Variants in HIVEP3 observed in about 807,000 individuals in gnomAD.
HIVEP3 encodes transcription factor HIVEP3.
HIVEP3 carries 49 observed loss-of-function variants against 152.8 expected under a neutral mutation model. The ratio of observed to expected loss-of-function variants is 0.32; its 90% CI spans 0.26 to 0.41. The LOEUF (loss-of-function observed/expected upper bound fraction) is 0.41. HIVEP3 is among the 10% of genes least tolerant of loss of function. The probability of loss-of-function intolerance (pLI) is 1.00; values close to 1 mark genes in which losing one functional copy is unlikely to be tolerated. For missense variants in HIVEP3, 2,790 were observed against 3,103.3 expected, an observed-to-expected ratio of 0.90 and a Z score of 2.40; for synonymous variants, 1,269 against 1,289.0, an observed-to-expected ratio of 0.98 and a Z score of 0.33.
chr1:41,581,128 G>A lies in HIVEP3; in HGVS notation c.3670C>T (p.Leu1224Phe). The stretch of plus-strand genomic sequence containing the variant: ...GAGGAGGTCGGGTATGGCATGGGGA[G>A]GAAGGAAGGGGGCTGCCTGAAGGGG... ...NIPFRQPPSF[L>F]PMPYPTSSAL... is the part of the protein sequence containing the mutation. Residue 1224 changes from leucine (L) to phenylalanine (F), a missense_variant, in exon 4 of 9, where the codon CTC becomes TTC. Physicochemically the swap from Leu to Phe is conservative, Grantham distance 22 (BLOSUM62 0). Transcript: ENST00000372583. This position sits in a 1 kb window ranked among gnomAD's most constrained non-coding sequence, Gnocchi z 4.5. The A allele has an allele frequency of 6.4e-7, 1 of 1,551,678 alleles. No homozygotes were observed. The highest frequency in any genetic ancestry group is 8.7e-7 in the Non-Finnish European group (1 of 1,149,166).
At chr1:41,536,075 G>A (rs1404109880) in intron 5 of HIVEP3, among the ~76,000 whole-genome samples, 1 of 152,166 alleles carries the variant, frequency 6.6e-6, no homozygotes, top group Non-Finnish European at 1.5e-5. Context: ...TGCTCAAGAT[G>A]TCAAAGAGGG....
At chr1:42,009,630 A>G (rs1408638027) in intron 1 of HIVEP3, among the ~76,000 whole-genome samples, 1 of 152,120 alleles carries the variant, frequency 6.6e-6, no homozygotes, top group Non-Finnish European at 1.5e-5. Flanking sequence ...CCAGTGTGTA[A>G]CTTCATTCCC....
chr1:41,776,203 G>A (rs1477600612), intron 1 of HIVEP3, among the ~76,000 whole-genome samples: 1 of 152,230 alleles, frequency 6.6e-6, no homozygotes, highest in African/African-American at 2.4e-5. Flanking sequence ...GTGGACCCTA[G>A]AGTTTACAAA....
intron 1 of HIVEP3, among the ~76,000 whole-genome samples, chr1:41,788,057 G>C (rs1342860846): frequency 6.6e-6 from 1 of 152,158 alleles, no homozygotes; most frequent in Non-Finnish European, 1.5e-5. Context: ...CAGGTGACCC[G>C]GTGCCACCCT....
intron 1 of HIVEP3, among the ~76,000 whole-genome samples, chr1:41,770,880 C>T (rs1648310342): frequency 6.6e-6 from 1 of 152,058 alleles, no homozygotes; most frequent in East Asian, 1.9e-4. Context: ...ACCACAGTAG[C>T]TTTGTAAGAT....
intron 1 of HIVEP3, among the ~76,000 whole-genome samples, chr1:41,778,511 G>A (rs1160223117): frequency 6.6e-6 from 1 of 152,238 alleles, no homozygotes; most frequent in East Asian, 1.9e-4. Flanking sequence ...TACAGGCTCA[G>A]CCTTGCCCCA....
At chr1:41,870,776 T>C (rs1051470217) in intron 1 of HIVEP3, among the ~76,000 whole-genome samples, 1 of 152,228 alleles carries the variant, frequency 6.6e-6, no homozygotes, top group Non-Finnish European at 1.5e-5. Flanking sequence ...ATCCTGGGAC[T>C]GGCAGAAGCA....
intron 1 of HIVEP3, among the ~76,000 whole-genome samples, chr1:41,709,226 C>T (rs1646477922): frequency 6.6e-6 from 1 of 152,170 alleles, no homozygotes. Flanking sequence ...AGCTTTTGAA[C>T]CACTCCTACC....
chr1:41,810,236 T>G (rs1462816484), intron 1 of HIVEP3, among the ~76,000 whole-genome samples: 1 of 152,192 alleles, frequency 6.6e-6, no homozygotes, highest in African/African-American at 2.4e-5. Flanking sequence ...CTTGTCCCAG[T>G]TTTTCGATTC....
intron 1 of HIVEP3, among the ~76,000 whole-genome samples, chr1:41,845,002 C>A (rs145762752): frequency 6.6e-6 from 1 of 152,306 alleles, no homozygotes; most frequent in East Asian, 1.9e-4. Flanking sequence ...AGGGCCTTTG[C>A]ACTGCCTCTT....
chr1:41,642,594 A>ATG (rs1645391679), intron 2 of HIVEP3, among the ~76,000 whole-genome samples: 1 of 152,196 alleles, frequency 6.6e-6, no homozygotes, highest in Non-Finnish European at 1.5e-5. Context: ...ATACATACAA[A>ATG]TGTGTGTGGG....
At chr1:41,935,739 A>T (rs1254835195) in intron 1 of HIVEP3, among the ~76,000 whole-genome samples, 1 of 146,964 alleles carries the variant, frequency 6.8e-6, no homozygotes, top group African/African-American at 2.5e-5. Flanking sequence ...TATTTATATT[A>T]TATATTATAT....
At chr1:41,828,545 T>C (rs1464490143) in intron 1 of HIVEP3, among the ~76,000 whole-genome samples, 1 of 152,230 alleles carries the variant, frequency 6.6e-6, no homozygotes, top group Admixed American at 6.5e-5. Flanking sequence ...TTCTAAGAGA[T>C]ACTTTAAGCC....
rs1341502248 is a variant in HIVEP3 at position 41,510,085 on chromosome 1, G to A, written c.*366C>T. On this transcript the variant is annotated 3_prime_UTR_variant, in exon 9 of 9. Transcript: ENST00000372583. ...AAGTTTCCTTTTCCTTTCTCCCTCA[G>A]TGTACCCCTTTCCCTCTGCCAGCCT... is the stretch of plus-strand genomic sequence containing the variant. 5.2e-6 allele frequency: 1 copy of A among 193,924 alleles called. No individual in the cohort carries two copies. Among genetic ancestry groups the A allele is most frequent in the East Asian group, 1.2e-4 (1 of 8,130 alleles). 12.0% of individuals were successfully genotyped at this position (193,924 alleles called of 1,614,324 possible). A position where few individuals can be genotyped will look rare whatever the true frequency, so the allele number is the denominator to read the frequency against.
At chr1:41,608,917 C>CAAAA (rs35714997) in intron 3 of HIVEP3, among the ~76,000 whole-genome samples, 12,457 of 123,232 alleles carry the variant, frequency 0.1, 937 homozygotes, top group East Asian at 0.39. Context: ...CTAAAAATAC[C>CAAAA]AAAAAAAAAA....
chr1:41,684,033 G>C (rs1646079256), intron 2 of HIVEP3, among the ~76,000 whole-genome samples: 1 of 152,162 alleles, frequency 6.6e-6, no homozygotes, highest in Admixed American at 6.5e-5. Context: ...CAAAAGCACT[G>C]CCTTTAAAAA....
chr1:41,945,238 A>C (rs1238681949), intron 1 of HIVEP3, among the ~76,000 whole-genome samples: 3 of 152,202 alleles, frequency 2.0e-5, no homozygotes, highest in African/African-American at 7.2e-5. Context: ...CAAACGGTAC[A>C]AAAGGAGATA....
chr1:41,662,590 C>T lies in HIVEP3; in HGVS notation c.-720-33643G>A, dbSNP rs936085341. On this transcript the variant is annotated intron_variant, in intron 2 of 8. Transcript: ENST00000372583. This position sits in a 1 kb window ranked among gnomAD's most constrained non-coding sequence, Gnocchi z 7.2. Reference sequence around the variant, plus strand: ...CGCAGATGGGCCCGGGCGCGGCTGGCGGCTGCCAGGGGAGGGTCTCCTCGC... The same window carrying T: ...CGCAGATGGGCCCGGGCGCGGCTGGTGGCTGCCAGGGGAGGGTCTCCTCGC... Among the ~76,000 whole-genome samples the T allele has an allele frequency of 6.6e-5, 10 of 150,980 alleles. No homozygotes were observed. Among genetic ancestry groups the T allele is most frequent in the Admixed American group, 3.3e-4 (5 of 15,216 alleles).
At chr1:41,773,403 G>A (rs1313341561) in intron 1 of HIVEP3, among the ~76,000 whole-genome samples, 1 of 152,198 alleles carries the variant, frequency 6.6e-6, no homozygotes, top group African/African-American at 2.4e-5. Context: ...GTGCTGAAAT[G>A]ACTGTACTGG....
Sources: allele counts gnomAD v4.1 joint callset (sites outside exome capture counted in the v4.1 genomes callset), GRCh38; gene constraint gnomAD v4.1.1; non-coding constraint Gnocchi (gnomAD v3.1); transcripts MANE v1.5; gene names NCBI Gene and HGNC (gene_info 2026-07-23, HGNC 2026-07-21).